The following ZNF677 variants were observed in gnomAD, a reference collection of about 807,000 sequenced individuals.
ZNF677 encodes the protein hypothetical protein MGC48625.
ZNF677 carries 5 observed loss-of-function variants against 8.1 expected under a neutral mutation model. The ratio of observed to expected loss-of-function variants is 0.62; its 90% CI spans 0.32 to 1.29. The LOEUF (loss-of-function observed/expected upper bound fraction) is 1.29, where lower values mean the gene tolerates loss of function less well. ZNF677 is among the 50% of genes most tolerant of loss of function. The pLI is 0.05. For missense variants in ZNF677, 685 were observed against 685.9 expected (o/e 1.00, Z 0.01); for synonymous variants, 221 against 225.6 (o/e 0.98, Z 0.18).
rs1322420494 is a variant in ZNF677, at chr19:53,235,821, T to C, written c.*1151A>G. On this transcript the variant is annotated 3_prime_UTR_variant, in exon 5 of 5. Coordinates refer to ENST00000598513, the MANE Select transcript of ZNF677 (RefSeq NM_182609.4). Reference sequence around the variant, plus strand: ...ACAATTCTAAGGGGTCCTGACCACATAAAGCATATATGTTAGACAATAGTT... The same window carrying C: ...ACAATTCTAAGGGGTCCTGACCACACAAAGCATATATGTTAGACAATAGTT... 1 of 152,238 alleles carries C rather than the reference T, an allele frequency of 6.6e-6. No homozygotes were observed. The highest frequency in any genetic ancestry group is 2.4e-5 in the African/African-American group (1 of 41,456). The allele number at this position is 152,238 out of a possible 1,614,324, so 9.4% of individuals were successfully genotyped here.
At position 53,237,825 on chromosome 19, in the gene ZNF677, T is replaced by C. The variant is rs1223761853; in HGVS notation, c.902A>G (p.Asn301Ser). The C allele has an allele frequency of 6.2e-7, 1 of 1,613,188 alleles. No individual in the cohort carries two copies. The highest frequency in any genetic ancestry group is 1.7e-5 in the Admixed American group (1 of 59,976). Residue 301 changes from asparagine (N) to serine (S), a missense_variant, in exon 5 of 5, where the codon AAC becomes AGC. Asn to Ser is a conservative substitution (Grantham distance 46, BLOSUM62 1). Coordinates refer to ENST00000598513, the MANE Select transcript of ZNF677 (RefSeq NM_182609.4). The stretch of plus-strand genomic sequence containing the variant: ...ATGCCTAGTGAGGTTCGAACACTGG[T>C]TAAAGGCTTTGCCACACTCGTTACA... ...YKCNECGKAF[N>S]QCSNLTRHQR...
Position 53,244,435 on chromosome 19 carries a change from C to A in ZNF677, c.16-538G>T, listed in dbSNP as rs186748366. On this transcript the variant is annotated intron_variant, in intron 3 of 4. Coordinates refer to ENST00000598513, the MANE Select transcript of ZNF677 (RefSeq NM_182609.4). ...TTTAGTACATTCACAAAGTTATACA[C>A]CACCACCTCTGTCTAGTTCAAAAAC... 2.0e-5 allele frequency among the ~76,000 whole-genome samples: 3 copies of A among 152,264 alleles called. No homozygotes were observed. The East Asian group carries it at 5.8e-4, about 29-fold the overall frequency.
In ZNF677 at chr19:53,237,602, G is replaced by GTT. The variant is rs1404363288; in HGVS notation, c.1124_1125insAA (p.Tyr375Ter). Residue 375 changes from tyrosine (Y) to a stop codon, truncating the protein, a stop_gained and frameshift_variant, in exon 5 of 5, where the codon TAC becomes TAAAC. Transcript: ENST00000598513. LOFTEE classifies it low-confidence loss of function (END_TRUNC). ...AGGCTTTGTCACATTCATTACATTTGTAAGGTTTCTCTCCAGTATGAATTC... is the reference window on the plus strand; with the variant it reads ...AGGCTTTGTCACATTCATTACATTTGTTTAAGGTTTCTCTCCAGTATGAATTC... ...HERIHTGEKP[Y>*]KCNECDKAFA... is the part of the protein sequence containing the mutation. 2 of 1,613,832 alleles carry GTT rather than the reference G, an allele frequency of 1.2e-6. No individual in the cohort carries two copies. Among genetic ancestry groups the GTT allele is most frequent in the Non-Finnish European group, 1.7e-6 (2 of 1,179,884 alleles).
In ZNF677 at chr19:53,237,692, T is replaced by C. The variant is rs1203398315; in HGVS notation, c.1035A>G (p.Lys345=). 6.2e-7 allele frequency: 1 copy of C among 1,613,380 alleles called. No individual in the cohort carries two copies. The highest frequency in any genetic ancestry group is 1.7e-5 in the Admixed American group (1 of 59,950). ...TACCACATTCATTACATTTGTAAGG[T>C]TTCTCTCCAGTATGCATCCTCTGAT... ...ASHQRMHTGE[K]PYKCNECGKA... The change falls in exon 5 of 5, where the codon AAA becomes AAG. Residue 345 remains lysine, a synonymous_variant. Coordinates refer to ENST00000598513, the MANE Select transcript of ZNF677 (RefSeq NM_182609.4).
At chr19:53,248,435 G>A (rs1227778077) in intron 3 of ZNF677, among the ~76,000 whole-genome samples, 2 of 152,116 alleles carry the variant, frequency 1.3e-5, no homozygotes, top group Admixed American at 1.3e-4. Context: ...TGGCTTTAAG[G>A]TACTGCTGGT....
At chr19:53,251,162 T>C (rs1235601969) in intron 3 of ZNF677, among the ~76,000 whole-genome samples, 1 of 152,138 alleles carries the variant, frequency 6.6e-6, no homozygotes, top group Non-Finnish European at 1.5e-5. Context: ...TTTGTGCACA[T>C]TAATATATCA....
Position 53,237,816 on chromosome 19 carries a change from G to A in ZNF677, c.911C>T (p.Ser304Leu), listed in dbSNP as rs764153868. 33 of 1,612,854 alleles carry A rather than the reference G, an allele frequency of 2.0e-5. No homozygotes were observed. The highest frequency in any genetic ancestry group is 2.3e-5 in the Non-Finnish European group (27 of 1,179,440). Residue 304 changes from serine (S) to leucine (L), a missense_variant, in exon 5 of 5, where the codon TCG becomes TTG. Physicochemically the swap from Ser to Leu is moderately radical, Grantham distance 145. Coordinates refer to ENST00000598513, the MANE Select transcript of ZNF677 (RefSeq NM_182609.4). Reference protein sequence around the residue: ...NECGKAFNQCSNLTRHQRVHT... With the variant: ...NECGKAFNQCLNLTRHQRVHT... ...GACTCTCTGATGCCTAGTGAGGTTCGAACACTGGTTAAAGGCTTTGCCACA... is the reference window on the plus strand; with the variant it reads ...GACTCTCTGATGCCTAGTGAGGTTCAAACACTGGTTAAAGGCTTTGCCACA...
chr19:53,241,307 C>A (rs7250202), intron 4 of ZNF677: 54,111 of 152,058 alleles, frequency 0.36, 12,334 homozygotes, highest in African/African-American at 0.65. Flanking sequence ...TGATTAAATA[C>A]ATACAAGTTC....
intron 4 of ZNF677, chr19:53,242,023 T>G (rs1270788288): frequency 2.5e-6 from 1 of 393,464 alleles, no homozygotes; most frequent in African/African-American, 2.1e-5. Flanking sequence ...CCTCTGCCTC[T>G]CGGGTTCAAG....
rs1375683322 is a variant in ZNF677, at chr19:53,237,245, T to C, written c.1482A>G (p.Lys494=). Residue 494 remains lysine, a synonymous_variant, in exon 5 of 5, where the codon AAA becomes AAG. Transcript: ENST00000598513. ...EKPYKCTECG[K]AFTERSNLTQ... ...TAAGATTTGAACGTTCAGTAAAGGCTTTGCCACATTCAGTACATTTGTAAG... is the reference window on the plus strand; with the variant it reads ...TAAGATTTGAACGTTCAGTAAAGGCCTTGCCACATTCAGTACATTTGTAAG... The C allele has an allele frequency of 6.2e-7, 1 of 1,613,730 alleles. No homozygotes were observed. The highest frequency in any genetic ancestry group is 8.5e-7 in the Non-Finnish European group (1 of 1,179,946).
Position 53,238,117 on chromosome 19 carries a change from T to TCAAA in ZNF677, c.609_610insTTTG (p.Arg204PhefsTer11). Reference sequence around the variant, plus strand: ...TACATTTTCTCCCCAGTTTGAAATCTCTGTAGTTCAGCCAGCTGTGCCTGT... The same window carrying TCAAA: ...TACATTTTCTCCCCAGTTTGAAATCTCAAACTGTAGTTCAGCCAGCTGTGCCTGT... On this transcript the variant is annotated frameshift_variant, in exon 5 of 5. Coordinates refer to ENST00000598513, the MANE Select transcript of ZNF677 (RefSeq NM_182609.4). LOFTEE classifies it low-confidence loss of function (END_TRUNC). The TCAAA allele has an allele frequency of 6.2e-7, 1 of 1,613,964 alleles. No individual in the cohort carries two copies. The highest frequency in any genetic ancestry group is 8.5e-7 in the Non-Finnish European group (1 of 1,179,890).
At chr19:53,249,983 C>T (rs1054468896) in intron 3 of ZNF677, among the ~76,000 whole-genome samples, 2 of 152,098 alleles carry the variant, frequency 1.3e-5, no homozygotes, top group African/African-American at 4.8e-5. Context: ...AGCGATTCTC[C>T]TGCCTCAGCC....
chr19:53,245,319 ACAAC>A (rs1474084632), intron 3 of ZNF677, among the ~76,000 whole-genome samples: 2 of 152,212 alleles, frequency 1.3e-5, no homozygotes, highest in Admixed American at 6.5e-5. Flanking sequence ...ACCAAAAGAA[ACAAC>A]CAACAGAACA....
intron 1 of ZNF677, among the ~76,000 whole-genome samples, chr19:53,253,870 G>C (rs1001282937): frequency 1.3e-5 from 2 of 152,064 alleles, no homozygotes; most frequent in Non-Finnish European, 2.9e-5. Context: ...ACACAAAAAA[G>C]GAGGGAATAA....
At chr19:53,252,543 T>C (rs1352851991) in intron 2 of ZNF677, among the ~76,000 whole-genome samples, 1 of 152,162 alleles carries the variant, frequency 6.6e-6, no homozygotes, top group African/African-American at 2.4e-5. Context: ...TTTCATGGGT[T>C]TAATTGATCC....
intron 1 of ZNF677, chr19:53,254,619 C>A (rs950553095): frequency 1.3e-5 from 2 of 152,162 alleles, no homozygotes; most frequent in Admixed American, 6.6e-5. Flanking sequence ...AAGGTCGGGG[C>A]CAGTACCCAC....
At position 53,236,340 on chromosome 19, in the gene ZNF677, G is replaced by A. The variant is rs2090972513; in HGVS notation, c.*632C>T. 1.3e-5 allele frequency: 2 copies of A among 152,272 alleles called. No individual in the cohort carries two copies. Among genetic ancestry groups the A allele is most frequent in the African/African-American group, 4.8e-5 (2 of 41,560 alleles). 9.4% of individuals were successfully genotyped at this position (152,272 alleles called of 1,614,324 possible). On this transcript the variant is annotated 3_prime_UTR_variant, in exon 5 of 5. Transcript: ENST00000598513. ...TGATAAATGAAAAGCATGCCATGAA[G>A]ATTTAACAGCAACAGATTTCATACT...
At chr19:53,244,039 A>T (rs2091098326) in intron 3 of ZNF677, 142 bp from the exon 4 acceptor site, 2 of 760,688 alleles carry the variant, frequency 2.6e-6, no homozygotes, top group Non-Finnish European at 4.1e-6. Context: ...TATTTTTTTT[A>T]AACTGAGATG....
At position 53,237,965 on chromosome 19, in the gene ZNF677, C is replaced by T; in HGVS notation, c.762G>A (p.Gly254=). ...ATGATTTTTCTCTAATGTGTGTTCT[C>T]CCATACTGTGTATGTAATAAAGGGT... ...LKYPLLHTQY[G]RTHIREKSYK... is the part of the protein sequence containing the mutation. Residue 254 remains glycine, a synonymous_variant, in exon 5 of 5, where the codon GGG becomes GGA. Transcript: ENST00000598513. The T allele has an allele frequency of 6.2e-7, 1 of 1,612,442 alleles. No individual in the cohort carries two copies. Among genetic ancestry groups the T allele is most frequent in the Non-Finnish European group, 8.5e-7 (1 of 1,179,908 alleles).
Sources: allele counts gnomAD v4.1 joint callset (sites outside exome capture counted in the v4.1 genomes callset), GRCh38; gene constraint gnomAD v4.1.1; transcripts MANE v1.5; gene names NCBI Gene and HGNC (gene_info 2026-07-23, HGNC 2026-07-21).